LARS2: variants seen among roughly 807,000 people sequenced by gnomAD.
The protein encoded by LARS2 is leucyl-tRNA synthetase 2, mitochondrial.
Under a neutral mutation model 116.6 loss-of-function variants are expected in LARS2, and 81 were observed. The observed-to-expected ratio is 0.69, with a 90% CI of 0.58 to 0.84. The LOEUF is 0.84. Ranked by LOEUF, LARS2 falls within the 40% of genes least tolerant of loss-of-function variation. The pLI is 0.00. For missense variants in LARS2, 968 were observed against 1,114.5 expected (o/e 0.87, Z 1.87); for synonymous variants, 396 against 407.2 (o/e 0.97, Z 0.33).
intron 6 of LARS2, among the ~76,000 whole-genome samples, chr3:45,445,334 T>C (rs1299994775): frequency 6.6e-6 from 1 of 152,240 alleles, no homozygotes; most frequent in African/African-American, 2.4e-5. Context: ...TCTAGAAAAC[T>C]GAGGAAAACA....
intron 5 of LARS2, 133 bp from the exon 6 acceptor site, chr3:45,419,536 A>G: frequency 1.5e-6 from 1 of 676,782 alleles, no homozygotes; most frequent in Non-Finnish European, 2.6e-6. Context: ...TTTTTCTGCT[A>G]GGGCAAAGCA....
At chr3:45,516,427 T>C in intron 17 of LARS2, 151 bp downstream of exon 17, 1 of 693,122 alleles carries the variant, frequency 1.4e-6, no homozygotes, top group Non-Finnish European at 2.4e-6. Context: ...ACCAGCATCC[T>C]GCACCACTCT....
intron 20 of LARS2, chr3:45,538,279 TAAA>T (rs1364501501): frequency 6.6e-6 from 1 of 152,154 alleles, no homozygotes; most frequent in Non-Finnish European, 1.5e-5. Flanking sequence ...TCATTTTTTT[TAAA>T]GTGGAATTTG....
intron 6 of LARS2, among the ~76,000 whole-genome samples, chr3:45,430,731 C>T (rs1012178640): frequency 6.7e-6 from 1 of 150,252 alleles, no homozygotes; most frequent in African/African-American, 2.5e-5. Context: ...ACTACAGGCG[C>T]CCGCCACCAC....
chr3:45,419,647 C>T (rs543635383), intron 5 of LARS2, 22 bp from the exon 6 acceptor site: 1 of 1,606,522 alleles, frequency 6.2e-7, no homozygotes. Flanking sequence ...AAAAACCAAA[C>T]CTTTTTCCCA....
chr3:45,522,221 C>T (rs1575311609), intron 19 of LARS2, among the ~76,000 whole-genome samples: 1 of 152,294 alleles, frequency 6.6e-6, no homozygotes, highest in South Asian at 2.1e-4. Flanking sequence ...AGCACTTCGG[C>T]TATCAGGTTG....
intron 16 of LARS2, among the ~76,000 whole-genome samples, chr3:45,515,722 C>G (rs1244523941): frequency 6.6e-6 from 1 of 152,166 alleles, no homozygotes; most frequent in African/African-American, 2.4e-5. Flanking sequence ...ATAAGAGACC[C>G]TTAATTCATC....
intron 4 of LARS2, among the ~76,000 whole-genome samples, chr3:45,404,718 C>T (rs1051813229): frequency 6.6e-6 from 1 of 152,144 alleles, no homozygotes; most frequent in Non-Finnish European, 1.5e-5. Flanking sequence ...GCCTCAGCCT[C>T]CCGAGTAGCT....
intron 6 of LARS2, among the ~76,000 whole-genome samples, chr3:45,444,588 C>T (rs192850949): frequency 0.21 from 27,225 of 128,098 alleles, 2,929 homozygotes; most frequent in Middle Eastern, 0.36. Flanking sequence ...GGCGTGAACC[C>T]GGGAGGCGGA....
intron 6 of LARS2, among the ~76,000 whole-genome samples, chr3:45,432,402 C>T (rs921109341): frequency 6.6e-6 from 1 of 151,948 alleles, no homozygotes; most frequent in Non-Finnish European, 1.5e-5. Flanking sequence ...TATATTAGGC[C>T]ACAAATTAAG....
chr3:45,394,834 T>A lies in LARS2; in HGVS notation c.234+147T>A, dbSNP rs901659776. ...TTCTCTGTGCTTCAATTCTCTTATC[T>A]GAGATGGAGAGTGATCATAATAGTG... is the stretch of plus-strand genomic sequence containing the variant. On this transcript the variant is annotated intron_variant, in intron 3 of 21. Coordinates refer to ENST00000645846, the MANE Select transcript of LARS2 (RefSeq NM_015340.4). The A allele has an allele frequency of 1.9e-5, 12 of 631,534 alleles. No homozygotes were observed. The Admixed American group carries it at 3.4e-4, about 18-fold the overall frequency. The allele number at this position is 631,534 out of a possible 1,614,324, so 39.1% of individuals were successfully genotyped here.
At chr3:45,525,158 A>C (rs1700514792) in intron 20 of LARS2, among the ~76,000 whole-genome samples, 1 of 152,236 alleles carries the variant, frequency 6.6e-6, no homozygotes, top group South Asian at 2.1e-4. Context: ...TTTTTAGCTA[A>C]GATGAGACTT....
At chr3:45,435,274 C>T (rs997701233) in intron 6 of LARS2, among the ~76,000 whole-genome samples, 1 of 152,100 alleles carries the variant, frequency 6.6e-6, no homozygotes, top group African/African-American at 2.4e-5. Flanking sequence ...GTCCTGTGGG[C>T]TGCACTGATA....
At chr3:45,544,016 G>C (rs142969431) in intron 21 of LARS2, among the ~76,000 whole-genome samples, 333 of 152,298 alleles carry the variant, frequency 2.2e-3, no homozygotes, top group African/African-American at 7.7e-3. Context: ...CTCCCTGCAG[G>C]TACACCCAGC....
At position 45,516,211 on chromosome 3, in the gene LARS2, A is replaced by G; in HGVS notation, c.1979A>G (p.Asp660Gly). The change falls in exon 17 of 22, where the codon GAC (aspartate) becomes GGC (glycine). Residue 660 changes from aspartate (D) to glycine (G), a missense_variant. Coordinates refer to ENST00000645846, the MANE Select transcript of LARS2 (RefSeq NM_015340.4). ...GAAGTTGTGGAGCAGTATGGGATCG[A>G]CACGATTCGGCTCTACATCCTTTTT... is the stretch of plus-strand genomic sequence containing the variant. ...PEEVVEQYGIDTIRLYILFAA... is the reference protein window; with the variant it reads ...PEEVVEQYGIGTIRLYILFAA... 1 of 1,614,214 alleles carries G rather than the reference A, an allele frequency of 6.2e-7. No individual in the cohort carries two copies. The highest frequency in any genetic ancestry group is 8.5e-7 in the Non-Finnish European group (1 of 1,180,044).
At chr3:45,404,641 A>G (rs983160034) in intron 4 of LARS2, among the ~76,000 whole-genome samples, 1 of 152,206 alleles carries the variant, frequency 6.6e-6, no homozygotes, top group Non-Finnish European at 1.5e-5. Flanking sequence ...ATGGAGATAT[A>G]TGAAATAGTT....
At chr3:45,500,301 C>A in intron 14 of LARS2, 141 bp from the exon 15 acceptor site, 3 of 893,082 alleles carry the variant, frequency 3.4e-6, no homozygotes, top group Non-Finnish European at 5.0e-6. Context: ...CGCGCCCGGC[C>A]TTCTCTTATA....
chr3:45,412,812 A>G (rs1698352617), intron 4 of LARS2, among the ~76,000 whole-genome samples: 1 of 152,212 alleles, frequency 6.6e-6, no homozygotes, highest in Non-Finnish European at 1.5e-5. Context: ...TACAGAAAGC[A>G]GTTTTCAGTG....
At chr3:45,532,651 A>AT (rs1357671803) in intron 20 of LARS2, among the ~76,000 whole-genome samples, 2 of 151,490 alleles carry the variant, frequency 1.3e-5, no homozygotes, top group Non-Finnish European at 2.9e-5. Flanking sequence ...GTCTTTTTTT[A>AT]TTTTTTTTGA....
Sources: gnomAD v4.1 joint callset for allele counts (sites outside exome capture counted in the v4.1 genomes callset) on GRCh38, gnomAD v4.1.1 for gene constraint, MANE v1.5 for transcripts, NCBI Gene and HGNC (gene_info 2026-07-23, HGNC 2026-07-21) for gene names.